Variants in ZNF143 observed in about 807,000 individuals in gnomAD.
ZNF143 encodes the protein SPH-binding factor.
In ZNF143, 49 loss-of-function variants were observed where a neutral mutation model predicts 74.1. That is an observed-to-expected ratio of 0.66 (90% confidence interval 0.53 to 0.84). ZNF143 has a LOEUF of 0.84. Ranked by LOEUF, ZNF143 falls within the 40% of genes least tolerant of loss-of-function variation. The probability of loss-of-function intolerance (pLI) is 0.00; values close to 1 mark genes in which losing one functional copy is unlikely to be tolerated. For synonymous variants in ZNF143, 304 were observed against 282.8 expected (o/e 1.07, Z -0.75); for missense variants, 637 against 793.4 (o/e 0.80, Z 2.37).
In ZNF143 at chr11:9,508,432, T is replaced by C. The variant is rs111717155; in HGVS notation, c.1148-187T>C. Among the ~76,000 whole-genome samples, 356 of 152,352 alleles carry C rather than the reference T, an allele frequency of 2.3e-3. 7 individuals carry two copies. Among genetic ancestry groups the C allele is most frequent in the African/African-American group, 8.0e-3 (332 of 41,572 alleles). ...TGCATGGAGACAGCACTAAGGATCA[T>C]ACTACCTTTTGAGTCAAGTCAAAAC... On this transcript the variant is annotated intron_variant, in intron 11 of 15. Transcript: ENST00000396602.
At position 9,491,849 on chromosome 11, in the gene ZNF143, C is replaced by T. The variant is rs891865814; in HGVS notation, c.646-2797C>T. Among the ~76,000 whole-genome samples the T allele has an allele frequency of 2.9e-4, 44 of 152,150 alleles. 1 individual carries two copies. Among genetic ancestry groups the T allele is most frequent in the Admixed American group, 6.5e-5 (1 of 15,270 alleles). ...TTTCACCATTTGCCCAGGCTAGTCT[C>T]GAACTCCTGATCTCAAACGATCTGC... On this transcript the variant is annotated intron_variant, in intron 7 of 15. Transcript: ENST00000396602.
intron 11 of ZNF143, 70 bp from the exon 12 acceptor site, chr11:9,508,549 G>T (rs189670374): frequency 7.1e-6 from 10 of 1,408,676 alleles, no homozygotes; most frequent in East Asian, 4.6e-5. Flanking sequence ...TTTACCCCCT[G>T]GGGGGGAAGT....
chr11:9,508,532 G>A, intron 11 of ZNF143, 87 bp from the exon 12 acceptor site: 1 of 1,182,800 alleles, frequency 8.5e-7, no homozygotes. Context: ...TTTATTTTTA[G>A]AGGTATTTTA....
In ZNF143 at chr11:9,463,476, G is replaced by A. The variant is rs72852964; in HGVS notation, c.-8+2400G>A. Among the ~76,000 whole-genome samples the A allele has an allele frequency of 2.7e-4, 41 of 152,268 alleles. 1 individual carries two copies. Among genetic ancestry groups the A allele is most frequent in the Admixed American group, 2.1e-3 (32 of 15,278 alleles). On this transcript the variant is annotated intron_variant, in intron 1 of 15. Transcript: ENST00000396602. ...AGTCTTTTTGATTATAGTTTTTCTA[G>A]TGTGGATGAAATGGTGTCTCTTGTA...
chr11:9,522,505 T>C, intron 14 of ZNF143, among the ~76,000 whole-genome samples: 1 of 152,220 alleles, frequency 6.6e-6, no homozygotes, highest in East Asian at 1.9e-4. Flanking sequence ...TTGTTTTTTG[T>C]TTTTTTGAGA....
chr11:9,518,198 C>T (rs1011714470), intron 14 of ZNF143, among the ~76,000 whole-genome samples: 2 of 152,166 alleles, frequency 1.3e-5, no homozygotes, highest in African/African-American at 4.8e-5. Flanking sequence ...TGCAAATTAA[C>T]ATCACAATGA....
At chr11:9,486,435 A>ATATTATATAT (rs1847539664) in intron 7 of ZNF143, among the ~76,000 whole-genome samples, 1 of 46,580 alleles carries the variant, frequency 2.1e-5, no homozygotes, top group South Asian at 5.0e-4. Flanking sequence ...TATATTATAT[A>ATATTATATAT]TATAATATAT....
intron 15 of ZNF143, among the ~76,000 whole-genome samples, chr11:9,526,874 G>A (rs941678599): frequency 6.6e-6 from 1 of 152,212 alleles, no homozygotes; most frequent in Non-Finnish European, 1.5e-5. Flanking sequence ...ACCCAGGCTG[G>A]AGTGCAGTGG....
At chr11:9,484,116 A>T (rs562062099) in intron 7 of ZNF143, among the ~76,000 whole-genome samples, 7 of 151,718 alleles carry the variant, frequency 4.6e-5, no homozygotes, top group African/African-American at 1.7e-4. Flanking sequence ...TTAGTGCTGG[A>T]TCAGAAGTTC....
At chr11:9,505,675 G>GT (rs1215250238) in intron 11 of ZNF143, among the ~76,000 whole-genome samples, 1 of 151,218 alleles carries the variant, frequency 6.6e-6, no homozygotes, top group African/African-American at 2.4e-5. Flanking sequence ...TGAGGTCAGA[G>GT]TTTCGTGACC....
chr11:9,492,220 C>T (rs1317638524), intron 7 of ZNF143, among the ~76,000 whole-genome samples: 3 of 150,530 alleles, frequency 2.0e-5, no homozygotes, highest in East Asian at 2.0e-4. Context: ...AAGCAATTCT[C>T]CTGCCGCAGC....
chr11:9,475,975 G>T (rs187692171), intron 5 of ZNF143, among the ~76,000 whole-genome samples: 10 of 149,382 alleles, frequency 6.7e-5, no homozygotes, highest in Non-Finnish European at 1.3e-4. Context: ...TTAAAGCAAG[G>T]TCCTTTGCCT....
In ZNF143 at chr11:9,525,390, A is replaced by G. The variant is rs1849086928; in HGVS notation, c.1833+4A>G. 1 of 1,613,992 alleles carries G rather than the reference A, an allele frequency of 6.2e-7. No individual in the cohort carries two copies. The highest frequency in any genetic ancestry group is 1.3e-5 in the African/African-American group (1 of 74,940). ...TGGCACCCAGATTGCAGTTCAGGTG[A>G]GTACCAAGGCATACTGTCCTCAGTC... On this transcript the variant is annotated splice_donor_region_variant and intron_variant, in intron 15 of 15. Transcript: ENST00000396602.
chr11:9,461,868 G>T (rs1855878382), intron 1 of ZNF143: 1 of 152,274 alleles, frequency 6.6e-6, no homozygotes, highest in South Asian at 2.1e-4. Context: ...GAATACCATT[G>T]CCAGCCCATT....
chr11:9,511,141 G>A (rs1457059917), intron 12 of ZNF143, among the ~76,000 whole-genome samples: 1 of 102,718 alleles, frequency 9.7e-6, no homozygotes, highest in Non-Finnish European at 1.8e-5. Flanking sequence ...ACGGAGTTTC[G>A]CCCTTGTTGC....
chr11:9,465,640 TAGG>T (rs1856159737), intron 1 of ZNF143, among the ~76,000 whole-genome samples: 1 of 148,036 alleles, frequency 6.8e-6, no homozygotes, highest in Non-Finnish European at 1.5e-5. Context: ...GCTGGGACTA[TAGG>T]CGCCCGCCAC....
rs143737178 is a variant in ZNF143 at position 9,494,752 on chromosome 11, C to G, written c.752C>G (p.Ala251Gly). ...GGATGTGGAAAATTATATACAACAG[C>G]TCATCATCTCAAGGTATATATAAAA... ...YDGCGKLYTT[A>G]HHLKVHERSH... The change falls in exon 8 of 16, where the codon GCT (alanine) becomes GGT (glycine). Residue 251 changes from alanine to glycine, a missense_variant. Transcript: ENST00000396602. The G allele has an allele frequency of 1.2e-6, 2 of 1,608,558 alleles. No individual in the cohort carries two copies. The highest frequency in any genetic ancestry group is 3.3e-5 in the Admixed American group (2 of 59,974).
chr11:9,476,746 CTTTTTTTTTTTT>C lies in ZNF143; in HGVS notation c.374-1624_374-1613del, dbSNP rs869069237. ...TTGTTGTGAAGCCAAAGGGAGGAATCTTTTTTTTTTTTTTTTTTTTTTTTTTTTTTTGAGACA... is the reference window on the plus strand; with the variant it reads ...TTGTTGTGAAGCCAAAGGGAGGAATCTTTTTTTTTTTTTTTTTTTGAGACA... On this transcript the variant is annotated intron_variant, in intron 5 of 15. Transcript: ENST00000396602. 3.7e-4 allele frequency among the ~76,000 whole-genome samples: 13 copies of C among 34,850 alleles called. No individual in the cohort carries two copies. The East Asian group carries it at 6.7e-3, about 18-fold the overall frequency. The allele number at this position is 34,850 out of a possible 152,430, so 22.9% of individuals were successfully genotyped here.
chr11:9,497,966 GACTACAGGC>G (rs1848024865), intron 10 of ZNF143, among the ~76,000 whole-genome samples, 166 bp downstream of exon 10: 1 of 152,142 alleles, frequency 6.6e-6, no homozygotes, highest in Admixed American at 6.5e-5. Flanking sequence ...AAGTAGCTGG[GACTACAGGC>G]ACCCACCACC....
Sources: gnomAD v4.1 joint callset for allele counts (sites outside exome capture counted in the v4.1 genomes callset) on GRCh38, gnomAD v4.1.1 for gene constraint, MANE v1.5 for transcripts, NCBI Gene and HGNC (gene_info 2026-07-23, HGNC 2026-07-21) for gene names.